The following GNE variants were observed in gnomAD, a reference collection of about 807,000 sequenced individuals.
The protein encoded by GNE is bifunctional UDP-N-acetylglucosamine 2-epimerase/N-acetylmannosamine kinase.
Under a neutral mutation model 61.8 loss-of-function variants are expected in GNE, and 41 were observed. That is an observed-to-expected ratio of 0.66 (90% CI 0.52 to 0.86). The LOEUF (loss-of-function observed/expected upper bound fraction) is 0.86, where lower values mean the gene tolerates loss of function less well. Ranked by LOEUF, GNE falls within the 40% of genes least tolerant of loss-of-function variation. The pLI, the probability that GNE is intolerant of heterozygous loss-of-function variation, is 0.00. For synonymous variants in GNE, 264 were observed against 326.4 expected (o/e 0.81, Z 2.06); for missense variants, 608 against 909.1 (o/e 0.67, Z 4.26).
chr9:36,267,463 G>A (rs1453773332), intron 1 of GNE, among the ~76,000 whole-genome samples: 1 of 151,772 alleles, frequency 6.6e-6, no homozygotes, highest in Non-Finnish European at 1.5e-5. Context: ...TTGGGAGGCC[G>A]AGGCAGGTGG....
At position 36,246,262 on chromosome 9, in the gene GNE, G is replaced by A. The variant is rs372872777; in HGVS notation, c.385C>T (p.Arg129Ter). 3 of 1,614,078 alleles carry A rather than the reference G, an allele frequency of 1.9e-6. No homozygotes were observed. The highest frequency in any genetic ancestry group is 2.5e-6 in the Non-Finnish European group (3 of 1,179,950). The part of the protein sequence containing the change: ...LATSAALMNI[R>*]ILHIEGGEVS... ...TCCCCACCTTCAATGTGAAGGATTCGGATGTTCATCAAGGCAGCAGATGTG... is the reference window on the plus strand; with the variant it reads ...TCCCCACCTTCAATGTGAAGGATTCAGATGTTCATCAAGGCAGCAGATGTG... The change falls in exon 3 of 12, where the codon CGA (arginine) becomes TGA (stop). Residue 129 changes from arginine to a stop codon, truncating the protein, a stop_gained. Transcript: ENST00000642385. LOFTEE classifies it high-confidence loss of function.
At chr9:36,265,266 C>A (rs149887724) in intron 1 of GNE, 64 of 411,902 alleles carry the variant, frequency 1.6e-4, no homozygotes, top group African/African-American at 1.3e-3. Flanking sequence ...ACCGCATGGC[C>A]CAAGATTCCA....
chr9:36,233,982 T>G lies in GNE; in HGVS notation c.920A>C (p.Glu307Ala). The G allele has an allele frequency of 6.2e-7, 1 of 1,614,142 alleles. No homozygotes were observed. The highest frequency in any genetic ancestry group is 8.5e-7 in the Non-Finnish European group (1 of 1,180,002). ...MIGNSSCGVREVGAFGTPVIN... is the reference protein window; with the variant it reads ...MIGNSSCGVRAVGAFGTPVIN... ...CACAGGTGTTCCAAAAGCTCCAACT[T>G]CTCGAACCCCACAGCTGCTGTTCCC... The change falls in exon 5 of 12, where the codon GAA becomes GCA. Residue 307 changes from glutamate to alanine, a missense_variant. Physicochemically the swap from Glu to Ala is moderately radical, Grantham distance 107. Coordinates refer to ENST00000642385, the MANE Select transcript of GNE (RefSeq NM_005476.7).
intron 1 of GNE, among the ~76,000 whole-genome samples, chr9:36,264,740 A>G (rs923253439): frequency 6.6e-6 from 1 of 152,288 alleles, no homozygotes; most frequent in East Asian, 1.9e-4. Context: ...CACCCGACCA[A>G]TCAGGTAGTA....
rs938750177 is a variant in GNE at position 36,218,414 on chromosome 9, A to G, written c.1817-115T>C. 4.0e-6 allele frequency: 3 copies of G among 755,682 alleles called. No individual in the cohort carries two copies. Among genetic ancestry groups the G allele is most frequent in the African/African-American group, 3.4e-5 (2 of 58,780 alleles). The allele number at this position is 755,682 out of a possible 1,614,324, so 46.8% of individuals were successfully genotyped here. Reference sequence around the variant, plus strand: ...GGGAAGACGGTGTTTTCTTTTCACAATTGCAAAGCTTATCGTTCACAAACA... The same window carrying G: ...GGGAAGACGGTGTTTTCTTTTCACAGTTGCAAAGCTTATCGTTCACAAACA... On this transcript the variant is annotated intron_variant, in intron 10 of 11. Transcript: ENST00000642385. This position sits in a 1 kb window ranked among gnomAD's most constrained non-coding sequence, Gnocchi z 4.1.
In GNE at chr9:36,222,988, T is replaced by C; in HGVS notation, c.1422A>G (p.Thr474=). 1 of 1,613,556 alleles carries C rather than the reference T, an allele frequency of 6.2e-7. No homozygotes were observed. The highest frequency in any genetic ancestry group is 8.5e-7 in the Non-Finnish European group (1 of 1,179,812). The change falls in exon 9 of 12, where the codon ACA becomes ACG. Residue 474 remains threonine (T), a synonymous_variant. Transcript: ENST00000642385. The part of the protein sequence containing the change: ...NCRILGVGIS[T]GGRVNPREGI... ...CTTCCCGAGGATTTACACGGCCACC[T>C]GTGGAAATGCCTGCGCTCCACCACA... is the stretch of plus-strand genomic sequence containing the variant.
intron 1 of GNE, among the ~76,000 whole-genome samples, chr9:36,266,705 C>T (rs1417782600): frequency 7.2e-5 from 11 of 152,166 alleles, no homozygotes; most frequent in Admixed American, 3.3e-4. Flanking sequence ...GTCAGGAGAT[C>T]GAGACCATCC....
chr9:36,272,924 A>T (rs868383382), intron 1 of GNE, among the ~76,000 whole-genome samples: 304 of 147,902 alleles, frequency 2.1e-3, no homozygotes, highest in Middle Eastern at 0.017. Context: ...ATACAAAAAA[A>T]AAAAAAAAAA....
chr9:36,253,759 TG>T (rs1389864429), intron 1 of GNE, among the ~76,000 whole-genome samples: 2 of 152,066 alleles, frequency 1.3e-5, no homozygotes, highest in Admixed American at 1.3e-4. Flanking sequence ...CAACTTTGGC[TG>T]GGCACAGTGG....
intron 3 of GNE, among the ~76,000 whole-genome samples, chr9:36,240,193 C>T (rs1829575982): frequency 6.6e-6 from 1 of 152,142 alleles, no homozygotes; most frequent in Non-Finnish European, 1.5e-5. Flanking sequence ...ACTTCCAGTA[C>T]CATGTTGAAG....
intron 3 of GNE, among the ~76,000 whole-genome samples, chr9:36,240,785 A>AT (rs976599901): frequency 6.6e-6 from 1 of 151,742 alleles, no homozygotes; most frequent in Non-Finnish European, 1.5e-5. Context: ...TGGTCATGGA[A>AT]TTTTTTTTGT....
intron 3 of GNE, among the ~76,000 whole-genome samples, chr9:36,244,556 T>A (rs1445239324): frequency 1.3e-5 from 2 of 152,214 alleles, no homozygotes; most frequent in African/African-American, 4.8e-5. Flanking sequence ...ATAATCATCA[T>A]AATCCCTTAT....
At chr9:36,261,989 G>GT (rs1830632807), upstream of GNE, among the ~76,000 whole-genome samples, 1 of 151,510 alleles carries the variant, frequency 6.6e-6, no homozygotes, top group Non-Finnish European at 1.5e-5. Flanking sequence ...GTTACATAGT[G>GT]TACCTCCAAA....
chr9:36,265,304 C>T (rs1402325655), intron 1 of GNE: 2 of 439,164 alleles, frequency 4.6e-6, no homozygotes, highest in Non-Finnish European at 9.3e-6. Flanking sequence ...GGCCAAGAAC[C>T]CCAGGTCAGA....
rs1407067181 is a variant in GNE, at chr9:36,246,429, T to C, written c.218A>G (p.His73Arg). 6.2e-7 allele frequency: 1 copy of C among 1,613,934 alleles called. No individual in the cohort carries two copies. The highest frequency in any genetic ancestry group is 1.1e-5 in the South Asian group (1 of 91,076). Residue 73 changes from histidine to arginine, a missense_variant, in exon 3 of 12, where the codon CAC becomes CGC. His to Arg is a conservative substitution (Grantham distance 29). Transcript: ENST00000642385. Reference protein sequence around the residue: ...QDDFDINTRLHTIVRGEDEAA... With the variant: ...QDDFDINTRLRTIVRGEDEAA... Reference sequence around the variant, plus strand: ...CTCATCTTCTCCCCTCACAATTGTGTGTAGCCTGGTGTTAATGTCAAAGTC... The same window carrying C: ...CTCATCTTCTCCCCTCACAATTGTGCGTAGCCTGGTGTTAATGTCAAAGTC...
chr9:36,258,587 C>A (rs1265209907), upstream of GNE: 6 of 900,284 alleles, frequency 6.7e-6, no homozygotes, highest in Non-Finnish European at 8.0e-6. Flanking sequence ...CCCACCTTCC[C>A]GGCGGTATTT....
chr9:36,220,854 C>T (rs1828553657), intron 9 of GNE, among the ~76,000 whole-genome samples: 1 of 152,202 alleles, frequency 6.6e-6, no homozygotes, highest in Admixed American at 6.5e-5. Flanking sequence ...GGTATTGTGC[C>T]TGAGAAGGCT....
chr9:36,222,157 G>A lies in GNE; in HGVS notation c.1633+620C>T, dbSNP rs908549827. ...ATTTCGGCCGGGCGCGGTGGCTCAC[G>A]CCTGTAATCCCAGCACTTTGGGAGG... On this transcript the variant is annotated intron_variant, in intron 9 of 11. Coordinates refer to ENST00000642385, the MANE Select transcript of GNE (RefSeq NM_005476.7). Among the ~76,000 whole-genome samples the A allele has an allele frequency of 2.0e-5, 3 of 152,060 alleles. No individual in the cohort carries two copies. In the South Asian group the frequency reaches 6.2e-4, roughly 32 times the overall value.
At chr9:36,238,687 G>T (rs1829508966) in intron 3 of GNE, among the ~76,000 whole-genome samples, 1 of 152,084 alleles carries the variant, frequency 6.6e-6, no homozygotes, top group Non-Finnish European at 1.5e-5. Context: ...CCCACTCTGT[G>T]GTTGTCTGTT....
Sources: allele counts gnomAD v4.1 joint callset (sites outside exome capture counted in the v4.1 genomes callset), GRCh38; gene constraint gnomAD v4.1.1; non-coding constraint Gnocchi (gnomAD v3.1); transcripts MANE v1.5; gene names NCBI Gene and HGNC (gene_info 2026-07-23, HGNC 2026-07-21).